TRABD2B: variants seen among roughly 807,000 people sequenced by gnomAD.
TRABD2B encodes metalloprotease TIKI2.
A neutral mutation model predicts 40.1 loss-of-function variants in TRABD2B; 14 were observed. That is an observed-to-expected ratio of 0.35 (90% CI 0.23 to 0.55). The LOEUF (loss-of-function observed/expected upper bound fraction) is 0.55, where lower values mean the gene tolerates loss of function less well. Among genes scored for constraint, TRABD2B ranks in the 20% least tolerant of loss-of-function variants. The pLI is 0.90. For synonymous variants in TRABD2B, 263 were observed against 277.0 expected, an observed-to-expected ratio of 0.95 and a Z score of 0.50; for missense variants, 541 against 648.6, an observed-to-expected ratio of 0.83 and a Z score of 1.80.
chr1:47,785,935 T>C (rs1381277004), intron 4 of TRABD2B, among the ~76,000 whole-genome samples: 2 of 152,230 alleles, frequency 1.3e-5, no homozygotes, highest in African/African-American at 2.4e-5. Flanking sequence ...AGCGTCCCAG[T>C]TGCATCCTCA....
At chr1:47,984,173 GA>G (rs992526103) in intron 2 of TRABD2B, among the ~76,000 whole-genome samples, 43 of 152,368 alleles carry the variant, frequency 2.8e-4, no homozygotes, top group African/African-American at 9.4e-4. Flanking sequence ...ACAAGGAGGG[GA>G]AGGCCTGTCC....
Position 47,775,381 on chromosome 1 carries a change from C to T in TRABD2B, c.1138G>A (p.Val380Met). Reference sequence around the variant, plus strand: ...TCGGGGACAGCGGCAGCTGGGGTCACTGGGGCCGGGCTCGTCGAGGTCCCC... The same window carrying T: ...TCGGGGACAGCGGCAGCTGGGGTCATTGGGGCCGGGCTCGTCGAGGTCCCC... Reference protein sequence around the residue: ...PEGTSTSPAPVTPAAAVPEAP... With the variant: ...PEGTSTSPAPMTPAAAVPEAP... Residue 380 changes from valine to methionine, a missense_variant, in exon 6 of 7, where the codon GTG (valine) becomes ATG (methionine). This residue lies in a region of TRABD2B where 172 missense variants were observed against 155.8 expected (regional missense o/e 1.10). Coordinates refer to ENST00000606738, the MANE Select transcript of TRABD2B (RefSeq NM_001194986.2). 8.1e-7 allele frequency: 1 copy of T among 1,237,456 alleles called. No homozygotes were observed. Among genetic ancestry groups the T allele is most frequent in the Non-Finnish European group, 1.0e-6 (1 of 989,598 alleles). The allele number at this position is 1,237,456 out of a possible 1,614,324, so 76.7% of individuals were successfully genotyped here. A position where few individuals can be genotyped will look rare whatever the true frequency, so the allele number is the denominator to read the frequency against.
intron 2 of TRABD2B, among the ~76,000 whole-genome samples, chr1:47,864,199 C>T (rs1426531924): frequency 6.6e-6 from 1 of 151,652 alleles, no homozygotes; most frequent in Non-Finnish European, 1.5e-5. Flanking sequence ...TTGTCCAAAC[C>T]CACAGAATGT....
intron 4 of TRABD2B, among the ~76,000 whole-genome samples, chr1:47,790,594 C>T (rs974223165): frequency 4.6e-5 from 7 of 152,250 alleles, no homozygotes; most frequent in Non-Finnish European, 1.0e-4. Context: ...AAATCATCAA[C>T]ACTTTTGTAT....
intron 2 of TRABD2B, among the ~76,000 whole-genome samples, chr1:47,946,835 T>C (rs915083310): frequency 4.6e-5 from 7 of 152,212 alleles, no homozygotes; most frequent in Admixed American, 6.5e-5. Flanking sequence ...TGTAGTCTTT[T>C]TCATCTGTGT....
chr1:47,807,275 A>G (rs1644905518), intron 2 of TRABD2B, among the ~76,000 whole-genome samples: 3 of 152,068 alleles, frequency 2.0e-5, no homozygotes. Context: ...ACCAAGGGGG[A>G]AATTAGATTG....
At chr1:47,834,946 G>C (rs1482840272) in intron 2 of TRABD2B, among the ~76,000 whole-genome samples, 2 of 152,146 alleles carry the variant, frequency 1.3e-5, no homozygotes, top group Non-Finnish European at 2.9e-5. Context: ...CTTTGAGGAA[G>C]TCCAGAAGTT....
At chr1:47,865,860 G>A (rs559268204) in intron 2 of TRABD2B, among the ~76,000 whole-genome samples, 3 of 152,066 alleles carry the variant, frequency 2.0e-5, no homozygotes, top group African/African-American at 7.2e-5. Context: ...CATGCACTCA[G>A]TGGGTTTGAA....
chr1:47,992,270 G>A (rs1335742000), intron 2 of TRABD2B, among the ~76,000 whole-genome samples: 4 of 152,256 alleles, frequency 2.6e-5, no homozygotes, highest in Admixed American at 6.5e-5. Flanking sequence ...CCTCCCGGCC[G>A]ATGAATGGCT....
At chr1:47,847,704 C>T (rs1238717170) in intron 2 of TRABD2B, among the ~76,000 whole-genome samples, 2 of 152,208 alleles carry the variant, frequency 1.3e-5, no homozygotes, top group Admixed American at 6.5e-5. Flanking sequence ...ATCCACTCAA[C>T]TAGGTTGTGC....
At chr1:47,987,519 C>T (rs1347627322) in intron 2 of TRABD2B, among the ~76,000 whole-genome samples, 1 of 152,196 alleles carries the variant, frequency 6.6e-6, no homozygotes, top group Admixed American at 6.5e-5. Context: ...TGGTCACCTC[C>T]AGCTTTAGGA....
chr1:47,805,857 T>C (rs1644884426), intron 2 of TRABD2B, among the ~76,000 whole-genome samples: 1 of 151,794 alleles, frequency 6.6e-6, no homozygotes. Flanking sequence ...TCAAATACCT[T>C]GCCAAAGGTG....
intron 2 of TRABD2B, among the ~76,000 whole-genome samples, chr1:47,864,637 G>T (rs1644028578): frequency 6.6e-6 from 1 of 152,124 alleles, no homozygotes; most frequent in East Asian, 1.9e-4. Context: ...GCCTCACTGG[G>T]TTTTCCTCTT....
At chr1:47,959,365 A>AAT (rs1159447433) in intron 2 of TRABD2B, among the ~76,000 whole-genome samples, 1 of 152,198 alleles carries the variant, frequency 6.6e-6, no homozygotes, top group Non-Finnish European at 1.5e-5. Context: ...CTAAGATCAG[A>AAT]GCAGAACTGA....
In TRABD2B at chr1:47,912,099, T is replaced by A. The variant is rs78402732; in HGVS notation, c.666+81935A>T. ...TTGGAGGAGGGGGCTGAGGGAGGCA[T>A]GGGGATCAGAGGCCAGAGGTCAAAT... On this transcript the variant is annotated intron_variant, in intron 2 of 6. Coordinates refer to ENST00000606738, the MANE Select transcript of TRABD2B (RefSeq NM_001194986.2). Among the ~76,000 whole-genome samples, 1,383 of 152,284 alleles carry A rather than the reference T, an allele frequency of 9.1e-3. 23 individuals carry two copies. The highest frequency in any genetic ancestry group is 0.03 in the African/African-American group (1,256 of 41,554).
intron 2 of TRABD2B, among the ~76,000 whole-genome samples, chr1:47,882,454 T>A (rs1438751723): frequency 6.6e-6 from 1 of 152,188 alleles, no homozygotes; most frequent in Non-Finnish European, 1.5e-5. Context: ...GGGTTGCGGG[T>A]GAGGGGGTCT....
chr1:47,989,395 C>G (rs1645967314), intron 2 of TRABD2B, among the ~76,000 whole-genome samples: 1 of 148,138 alleles, frequency 6.8e-6, no homozygotes, highest in South Asian at 2.1e-4. Flanking sequence ...GATTTTTGAC[C>G]ATTTGCTCAT....
intron 2 of TRABD2B, among the ~76,000 whole-genome samples, chr1:47,808,062 T>A (rs570299902): frequency 4.6e-5 from 7 of 152,358 alleles, no homozygotes; most frequent in African/African-American, 1.7e-4. Context: ...ATGAGACTCA[T>A]ATTTAAATCA....
rs892796868 is a variant in TRABD2B, at chr1:47,813,291, C to T, written c.667-11672G>A. Among the ~76,000 whole-genome samples, 1 of 152,194 alleles carries T rather than the reference C, an allele frequency of 6.6e-6. No individual in the cohort carries two copies. Among genetic ancestry groups the T allele is most frequent in the African/African-American group, 2.4e-5 (1 of 41,440 alleles). On this transcript the variant is annotated intron_variant, in intron 2 of 6. Coordinates refer to ENST00000606738, the MANE Select transcript of TRABD2B (RefSeq NM_001194986.2). The surrounding 1 kb of genome is among the most constrained non-coding windows in gnomAD (Gnocchi z 4.3). ...CCCTCCAGCAGTATGGGGACCTCTG[C>T]TCTTCCTTAGTCCTGGGCAGTAGCC...
Sources: allele counts gnomAD v4.1 joint callset (sites outside exome capture counted in the v4.1 genomes callset), GRCh38; gene constraint gnomAD v4.1.1; regional missense constraint gnomAD v4.1.1; non-coding constraint Gnocchi (gnomAD v3.1); transcripts MANE v1.5; gene names NCBI Gene and HGNC (gene_info 2026-07-23, HGNC 2026-07-21).